The following DROSHA variants were observed in gnomAD, a reference collection of about 807,000 sequenced individuals.
DROSHA encodes the protein ribonuclease 3.
In DROSHA, 56 loss-of-function variants were observed where a neutral mutation model predicts 181.9. The ratio of observed to expected loss-of-function variants is 0.31; its 90% CI spans 0.25 to 0.38. The LOEUF is 0.38. Among genes scored for constraint, DROSHA ranks in the 10% least tolerant of loss-of-function variants. The probability of loss-of-function intolerance (pLI) is 1.00; values close to 1 mark genes in which losing one functional copy is unlikely to be tolerated. For synonymous variants in DROSHA, 524 were observed against 591.2 expected, an observed-to-expected ratio of 0.89 and a Z score of 1.65; for missense variants, 1,218 against 1,743.5, an observed-to-expected ratio of 0.70 and a Z score of 5.37.
intron 35 of DROSHA, among the ~76,000 whole-genome samples, chr5:31,404,734 G>T (rs1043728053): frequency 6.6e-6 from 1 of 151,874 alleles, no homozygotes; most frequent in East Asian, 1.9e-4. Flanking sequence ...TTCAACCCAC[G>T]CATCCCACTC....
chr5:31,401,863 T>C (rs1042375007), intron 35 of DROSHA, among the ~76,000 whole-genome samples: 1 of 152,122 alleles, frequency 6.6e-6, no homozygotes, highest in East Asian at 1.9e-4. Flanking sequence ...CTTGGGAATG[T>C]TACCAAGCAG....
intron 16 of DROSHA, among the ~76,000 whole-genome samples, chr5:31,473,428 A>T (rs1749979204): frequency 6.6e-6 from 1 of 152,198 alleles, no homozygotes; most frequent in Admixed American, 6.5e-5. Flanking sequence ...GCCAATATAT[A>T]TGTAGGCATG....
intron 27 of DROSHA, among the ~76,000 whole-genome samples, chr5:31,429,058 T>A (rs949259517): frequency 6.6e-6 from 1 of 152,210 alleles, no homozygotes; most frequent in Non-Finnish European, 1.5e-5. Flanking sequence ...TAAACATTTA[T>A]CTAGTCTACA....
Position 31,440,021 on chromosome 5 carries a change from CT to C in DROSHA, c.2883-2724del, listed in dbSNP as rs1326853879. Among the ~76,000 whole-genome samples, 5 of 152,278 alleles carry C rather than the reference CT, an allele frequency of 3.3e-5. No individual in the cohort carries two copies. In the South Asian group the frequency reaches 8.3e-4, roughly 25 times the overall value. On this transcript the variant is annotated intron_variant, in intron 23 of 35. Coordinates refer to ENST00000344624, the MANE Select transcript of DROSHA (RefSeq NM_001382508.1). Reference sequence around the variant, plus strand: ...GCCTGTCGAGTCTCAACCCATCTGGCTTTCAAGGCCATTCTTTATCTAGTTT... The same window carrying C: ...GCCTGTCGAGTCTCAACCCATCTGGCTTCAAGGCCATTCTTTATCTAGTTT...
chr5:31,486,690 A>G, intron 13 of DROSHA, 128 bp from the exon 14 acceptor site: 3 of 669,244 alleles, frequency 4.5e-6, no homozygotes, highest in Non-Finnish European at 7.5e-6. Context: ...TCAGCGGCTA[A>G]CAACACTGCA....
intron 33 of DROSHA, among the ~76,000 whole-genome samples, chr5:31,407,900 T>C (rs1379722339): frequency 1.3e-5 from 2 of 152,324 alleles, no homozygotes; most frequent in South Asian, 2.1e-4. Context: ...GAGCCTTTCA[T>C]AGAATACAGT....
At chr5:31,433,841 C>T (rs1454431499) in intron 25 of DROSHA, among the ~76,000 whole-genome samples, 1 of 152,190 alleles carries the variant, frequency 6.6e-6, no homozygotes, top group Non-Finnish European at 1.5e-5. Flanking sequence ...GCATAAGCCA[C>T]CACGCCCGGT....
chr5:31,423,527 A>C (rs1383100653), intron 28 of DROSHA, among the ~76,000 whole-genome samples: 1 of 152,256 alleles, frequency 6.6e-6, no homozygotes, highest in African/African-American at 2.4e-5. Context: ...TTCAATGTAC[A>C]TTGGAGATTA....
At chr5:31,462,365 G>A (rs1463691967) in intron 20 of DROSHA, among the ~76,000 whole-genome samples, 2 of 152,140 alleles carry the variant, frequency 1.3e-5, no homozygotes, top group East Asian at 3.9e-4. Context: ...GTTCTACAGA[G>A]GGAGGAACGG....
At chr5:31,530,180 G>A (rs187352970) in intron 3 of DROSHA, among the ~76,000 whole-genome samples, 19 of 152,048 alleles carry the variant, frequency 1.2e-4, no homozygotes, top group Admixed American at 4.6e-4. Context: ...GAGTGCAGTG[G>A]TGCAATCATA....
chr5:31,532,078 T>G lies in DROSHA; in HGVS notation c.-338A>C. On this transcript the variant is annotated 5_prime_UTR_variant, in exon 1 of 36. Transcript: ENST00000344624. ...CCAAGACAGTGGCACCGCCCGCGCCTCCGGAACAGGAAACCGAGGGAATTA... is the reference window on the plus strand; with the variant it reads ...CCAAGACAGTGGCACCGCCCGCGCCGCCGGAACAGGAAACCGAGGGAATTA... 2.5e-6 allele frequency: 1 copy of G among 404,288 alleles called. No homozygotes were observed. Among genetic ancestry groups the G allele is most frequent in the South Asian group, 2.5e-5 (1 of 40,654 alleles). The allele number at this position is 404,288 out of a possible 1,614,324, so 25.0% of individuals were successfully genotyped here. A position where few individuals can be genotyped will look rare whatever the true frequency, so the allele number is the denominator to read the frequency against.
rs1741484564 is a variant in DROSHA at position 31,532,004 on chromosome 5, C to T, written c.-264G>A. On this transcript the variant is annotated 5_prime_UTR_variant, in exon 1 of 36. Coordinates refer to ENST00000344624, the MANE Select transcript of DROSHA (RefSeq NM_001382508.1). Reference sequence around the variant, plus strand: ...ACCCCTTTTACCTATAAAAGGCTCTCGGGCCGCGAGATCGCCGTCAGAGCA... The same window carrying T: ...ACCCCTTTTACCTATAAAAGGCTCTTGGGCCGCGAGATCGCCGTCAGAGCA... The T allele has an allele frequency of 3.8e-6, 1 of 261,524 alleles. No individual in the cohort carries two copies. Among genetic ancestry groups the T allele is most frequent in the Non-Finnish European group, 7.5e-6 (1 of 134,174 alleles). The allele number at this position is 261,524 out of a possible 1,614,324, so 16.2% of individuals were successfully genotyped here. A position where few individuals can be genotyped will look rare whatever the true frequency, so the allele number is the denominator to read the frequency against.
intron 9 of DROSHA, 110 bp from the exon 10 acceptor site, chr5:31,508,885 C>G: frequency 8.0e-7 from 1 of 1,244,276 alleles, no homozygotes; most frequent in Non-Finnish European, 1.1e-6. Flanking sequence ...GTGCAGTGCG[C>G]GATCTCAGCT....
At position 31,511,048 on chromosome 5, in the gene DROSHA, G is replaced by A. The variant is rs371207993; in HGVS notation, c.1419C>T (p.Leu473=). 6.3e-5 allele frequency: 101 copies of A among 1,613,838 alleles called. 1 individual carries two copies. Among genetic ancestry groups the A allele is most frequent in the East Asian group, 3.8e-4 (17 of 44,874 alleles). ...RPPWEPPKTK[L]DEDLESSSES... ...ACTCTGACTCACCTAAATCTTCATC[G>A]AGCTTCGTCTTTGGAGGTTCCCACG... is the stretch of plus-strand genomic sequence containing the variant. Residue 473 remains leucine, a synonymous_variant, in exon 9 of 36, where the codon CTC becomes CTT. Coordinates refer to ENST00000344624, the MANE Select transcript of DROSHA (RefSeq NM_001382508.1).
intron 20 of DROSHA, among the ~76,000 whole-genome samples, chr5:31,462,196 T>G (rs1339435333): frequency 6.6e-6 from 1 of 152,158 alleles, no homozygotes; most frequent in African/African-American, 2.4e-5. Context: ...ATTCCTTCTG[T>G]ATTCAGTATA....
chr5:31,524,177 C>T (rs1316698686), intron 5 of DROSHA, among the ~76,000 whole-genome samples: 1 of 152,122 alleles, frequency 6.6e-6, no homozygotes, highest in Non-Finnish European at 1.5e-5. Flanking sequence ...TTCTACCAGG[C>T]CACCAGGGAG....
chr5:31,508,022 T>A (rs1477191836), intron 10 of DROSHA, among the ~76,000 whole-genome samples: 1 of 152,248 alleles, frequency 6.6e-6, no homozygotes, highest in East Asian at 1.9e-4. Flanking sequence ...TTTTTACAGA[T>A]ATGCCTTAGC....
At chr5:31,437,133 G>A (rs1480744748) in intron 24 of DROSHA, 106 bp downstream of exon 24, 19 of 1,196,046 alleles carry the variant, frequency 1.6e-5, no homozygotes, top group Middle Eastern at 2.8e-4. Context: ...AATACACGGT[G>A]TATCAATGCC....
Position 31,401,312 on chromosome 5 carries a change from CTG to C in DROSHA, c.*118_*119del, listed in dbSNP as rs747946391. 1.5e-5 allele frequency: 20 copies of C among 1,328,174 alleles called. No individual in the cohort carries two copies. Among genetic ancestry groups the C allele is most frequent in the Admixed American group, 5.1e-5 (3 of 58,478 alleles). The allele number at this position is 1,328,174 out of a possible 1,614,324, so 82.3% of individuals were successfully genotyped here. On this transcript the variant is annotated 3_prime_UTR_variant, in exon 36 of 36. Coordinates refer to ENST00000344624, the MANE Select transcript of DROSHA (RefSeq NM_001382508.1). The stretch of plus-strand genomic sequence containing the variant: ...TTAAAACAACAATAGCGATTTGACT[CTG>C]TATTTTATTTCAATGAGCACACTTC...
Sources: gnomAD v4.1 joint callset for allele counts (sites outside exome capture counted in the v4.1 genomes callset) on GRCh38, gnomAD v4.1.1 for gene constraint, MANE v1.5 for transcripts, NCBI Gene and HGNC (gene_info 2026-07-23, HGNC 2026-07-21) for gene names.